The following ERCC8 variants were observed in gnomAD, a reference collection of about 807,000 sequenced individuals.
ERCC8 encodes ERCC excision repair 8, CSA ubiquitin ligase complex subunit, also known as DNA excision repair protein ERCC-8.
A neutral mutation model predicts 54.9 loss-of-function variants in ERCC8; 52 were observed. The ratio of observed to expected loss-of-function variants is 0.95; its 90% confidence interval spans 0.76 to 1.19. The LOEUF is 1.19. Ranked by LOEUF, ERCC8 falls within the 50% of genes most tolerant of loss-of-function variation. ERCC8 has a pLI of 0.00. For missense variants in ERCC8, 514 were observed against 466.1 expected (o/e 1.10, Z -0.95); for synonymous variants, 146 against 157.2 (o/e 0.93, Z 0.53).
intron 8 of ERCC8, among the ~76,000 whole-genome samples, chr5:60,899,197 G>T (rs536864859): frequency 4.0e-5 from 6 of 151,874 alleles, no homozygotes; most frequent in African/African-American, 1.4e-4. Context: ...AAATTCTACT[G>T]TAAAAATGCA....
intron 1 of ERCC8, among the ~76,000 whole-genome samples, chr5:60,930,694 C>G (rs1749883753): frequency 6.6e-6 from 1 of 152,204 alleles, no homozygotes; most frequent in Non-Finnish European, 1.5e-5. Context: ...CCACTGCACT[C>G]CAGCCTGGGT....
At chr5:60,943,753 C>T (rs2112554722) in intron 1 of ERCC8, among the ~76,000 whole-genome samples, 1 of 152,016 alleles carries the variant, frequency 6.6e-6, no homozygotes, top group Admixed American at 6.5e-5. Flanking sequence ...ATGACACTGC[C>T]GCCATTTGAG....
chr5:60,938,054 T>C (rs879893340), intron 1 of ERCC8, among the ~76,000 whole-genome samples: 68 of 14,144 alleles, frequency 4.8e-3, no homozygotes, highest in Middle Eastern at 0.028. Context: ...CATACATATA[T>C]ATATATATAT....
At chr5:60,932,213 G>A (rs1044087990) in intron 1 of ERCC8, 1 of 152,272 alleles carries the variant, frequency 6.6e-6, no homozygotes, top group Non-Finnish European at 1.5e-5. Context: ...GAGAGGTGGG[G>A]AGTGGCAGGA....
rs1747896744 is a variant in ERCC8 at position 60,873,037 on chromosome 5, CA to C, written c.*1577del. Among the ~76,000 whole-genome samples the C allele has an allele frequency of 6.6e-6, 1 of 151,976 alleles. No homozygotes were observed. The highest frequency in any genetic ancestry group is 1.5e-5 in the Non-Finnish European group (1 of 67,994). The stretch of plus-strand genomic sequence containing the variant: ...CTAGGGTTGTTGGAGAAACATTGGT[CA>C]AAGGATACAAAATTTCAGTTAAAAA... On this transcript the variant is annotated 3_prime_UTR_variant, in exon 12 of 12. Coordinates refer to ENST00000676185, the MANE Select transcript of ERCC8 (RefSeq NM_000082.4).
intron 1 of ERCC8, among the ~76,000 whole-genome samples, chr5:60,939,488 A>G (rs528913012): frequency 7.4e-4 from 110 of 149,430 alleles, no homozygotes; most frequent in African/African-American, 2.5e-3. Flanking sequence ...CTTTTTTTTA[A>G]TTTTTAGATA....
intron 11 of ERCC8, among the ~76,000 whole-genome samples, chr5:60,884,037 C>T (rs1399369388): frequency 1.3e-5 from 2 of 152,140 alleles, no homozygotes; most frequent in African/African-American, 2.4e-5. Context: ...GGGGAGGTAA[C>T]TCTCATCTGA....
At chr5:60,886,596 G>C (rs1430287798) in intron 11 of ERCC8, among the ~76,000 whole-genome samples, 1 of 151,872 alleles carries the variant, frequency 6.6e-6, no homozygotes, top group Non-Finnish European at 1.5e-5. Flanking sequence ...CAACTACTTG[G>C]GAGGCTGAGG....
At chr5:60,878,104 C>A (rs1448075901) in intron 11 of ERCC8, among the ~76,000 whole-genome samples, 3 of 152,118 alleles carry the variant, frequency 2.0e-5, no homozygotes, top group Admixed American at 2.0e-4. Context: ...TTGTCAAACG[C>A]CTTTTCTGCA....
At chr5:60,876,037 C>T (rs1217136750) in intron 11 of ERCC8, among the ~76,000 whole-genome samples, 4 of 151,864 alleles carry the variant, frequency 2.6e-5, no homozygotes, top group African/African-American at 9.7e-5. Context: ...CCTACCCCCA[C>T]CCCACAACAG....
chr5:60,874,551 T>C lies in ERCC8; in HGVS notation c.*64A>G. 7.0e-7 allele frequency: 1 copy of C among 1,424,574 alleles called. No individual in the cohort carries two copies. Among genetic ancestry groups the C allele is most frequent in the Non-Finnish European group, 9.9e-7 (1 of 1,013,526 alleles). The allele number at this position is 1,424,574 out of a possible 1,614,324, so 88.2% of individuals were successfully genotyped here. ...TAGCTGTCAGGAATAGACCATACAG[T>C]TGAAAAAAACACAGTCTCATTTAAA... On this transcript the variant is annotated 3_prime_UTR_variant, in exon 12 of 12. Transcript: ENST00000676185.
chr5:60,909,324 C>T (rs1047454254), intron 4 of ERCC8, among the ~76,000 whole-genome samples: 11 of 126,998 alleles, frequency 8.7e-5, no homozygotes, highest in Non-Finnish European at 1.7e-4. Flanking sequence ...GATATGGGCT[C>T]TGAAACTAAA....
At chr5:60,880,174 A>C (rs1301306409) in intron 11 of ERCC8, among the ~76,000 whole-genome samples, 1 of 152,158 alleles carries the variant, frequency 6.6e-6, no homozygotes, top group African/African-American at 2.4e-5. Flanking sequence ...TCTTCTCTTT[A>C]AGAATGTTGA....
chr5:60,893,412 C>A, intron 9 of ERCC8: 2 of 897,298 alleles, frequency 2.2e-6, no homozygotes, highest in Non-Finnish European at 3.8e-6. Context: ...ATCTCCTCAA[C>A]CCTCTTCTTT....
chr5:60,890,570 T>C (rs940646244), intron 10 of ERCC8, among the ~76,000 whole-genome samples: 1 of 152,232 alleles, frequency 6.6e-6, no homozygotes, highest in African/African-American at 2.4e-5. Context: ...TAAATGCCTA[T>C]ATTTTATTTC....
In ERCC8 at chr5:60,928,846, C is replaced by G. The variant is rs892855287; in HGVS notation, c.173+18G>C. On this transcript the variant is annotated intron_variant, in intron 2 of 11. Transcript: ENST00000676185. The stretch of plus-strand genomic sequence containing the variant: ...TCACTTAGAAAGAAAAATGATTATA[C>G]AAGTATAATAAACTTACTATCTCCC... 2 of 1,367,920 alleles carry G rather than the reference C, an allele frequency of 1.5e-6. No homozygotes were observed. The highest frequency in any genetic ancestry group is 1.7e-5 in the Admixed American group (1 of 59,348). The allele number at this position is 1,367,920 out of a possible 1,614,324, so 84.7% of individuals were successfully genotyped here. A position where few individuals can be genotyped will look rare whatever the true frequency, so the allele number is the denominator to read the frequency against.
intron 3 of ERCC8, 22 bp downstream of exon 3, chr5:60,922,032 T>A: frequency 6.5e-7 from 1 of 1,527,608 alleles, no homozygotes; most frequent in Non-Finnish European, 9.0e-7. Flanking sequence ...AATTCATAAA[T>A]TTTTACATTT....
intron 6 of ERCC8, 114 bp downstream of exon 6, chr5:60,903,534 A>G: frequency 6.5e-7 from 1 of 1,538,916 alleles, no homozygotes; most frequent in Non-Finnish European, 8.8e-7. Context: ...AGTCTCAACA[A>G]CCAGCACAAA....
intron 4 of ERCC8, among the ~76,000 whole-genome samples, chr5:60,911,985 T>G (rs932303456): frequency 8.5e-5 from 13 of 152,208 alleles, no homozygotes; most frequent in African/African-American, 2.6e-4. Flanking sequence ...TGCTGTTTTG[T>G]TTACTGTAGC....
Sources: gnomAD v4.1 joint callset for allele counts (sites outside exome capture counted in the v4.1 genomes callset) on GRCh38, gnomAD v4.1.1 for gene constraint, MANE v1.5 for transcripts, NCBI Gene and HGNC (gene_info 2026-07-23, HGNC 2026-07-21) for gene names.